Variants in LRRD1 observed in about 807,000 individuals in gnomAD.
LRRD1 encodes leucine rich repeats and death domain containing 1, also known as leucine-rich repeat and death domain-containing protein 1.
Under a neutral mutation model 69.5 loss-of-function variants are expected in LRRD1, and 49 were observed. The observed-to-expected ratio is 0.70, with a 90% CI of 0.56 to 0.89. The LOEUF (loss-of-function observed/expected upper bound fraction) is 0.89, where lower values mean the gene tolerates loss of function less well. LRRD1 is among the 40% of genes least tolerant of loss of function. The pLI is 0.00. For synonymous variants in LRRD1, 303 were observed against 338.9 expected (o/e 0.89, Z 1.16); for missense variants, 853 against 956.0 (o/e 0.89, Z 1.42).
At position 92,164,150 on chromosome 7, in the gene LRRD1, T is replaced by C. The variant is rs180706754; in HGVS notation, c.1053A>G (p.Ile351Met). ...LAVEIFQLLK[I>M]KELQLADNKL... is the part of the protein sequence containing the mutation. ...TATTGTCGGCCAGTTGGAGTTCTTT[T>C]ATTTTGAGTAACTGAAAAATTTCTA... is the stretch of plus-strand genomic sequence containing the variant. Residue 351 changes from isoleucine to methionine, a missense_variant, in exon 2 of 6, where the codon ATA becomes ATG. Physicochemically the swap from Ile to Met is conservative, Grantham distance 10 (BLOSUM62 1). This residue lies in a region of LRRD1 where 739 missense variants were observed against 808.0 expected (regional missense o/e 0.91). Transcript: ENST00000458448. 626 of 1,548,556 alleles carry C rather than the reference T, an allele frequency of 4.0e-4. No individual in the cohort carries two copies. The highest frequency in any genetic ancestry group is 7.9e-4 in the Admixed American group (40 of 50,318).
intron 1 of LRRD1, among the ~76,000 whole-genome samples, chr7:92,172,952 A>C (rs1010073556): frequency 1.3e-5 from 2 of 152,150 alleles, no homozygotes; most frequent in Non-Finnish European, 2.9e-5. Flanking sequence ...TTATACCCCA[A>C]AGTTATAGTA....
chr7:92,159,329 T>C lies in LRRD1; in HGVS notation c.1918-126A>G, dbSNP rs1285482751. On this transcript the variant is annotated intron_variant, in intron 2 of 5. Coordinates refer to ENST00000458448, the MANE Select transcript of LRRD1 (RefSeq NM_001161528.2). ...TTTTTGTCTTAAAAAGGAGATTTTT[T>C]ATTATGTCACAAATTCTTTGTGACT... 5 of 653,900 alleles carry C rather than the reference T, an allele frequency of 7.6e-6. No homozygotes were observed. The East Asian group carries it at 1.3e-4, about 17-fold the overall frequency. The allele number at this position is 653,900 out of a possible 1,614,324, so 40.5% of individuals were successfully genotyped here.
At chr7:92,147,722 T>G (rs1820362832) in intron 4 of LRRD1, among the ~76,000 whole-genome samples, 1 of 152,076 alleles carries the variant, frequency 6.6e-6, no homozygotes, top group South Asian at 2.1e-4. Context: ...TTGACAAAGG[T>G]ACTGTGAGTT....
At position 92,146,355 on chromosome 7, in the gene LRRD1, C is replaced by T. The variant is rs554432443; in HGVS notation, c.2279-155G>A. Among the ~76,000 whole-genome samples the T allele has an allele frequency of 5.3e-4, 81 of 152,164 alleles. 1 individual carries two copies. In the East Asian group the frequency reaches 0.015, roughly 29 times the overall value. On this transcript the variant is annotated intron_variant, in intron 4 of 5. Coordinates refer to ENST00000458448, the MANE Select transcript of LRRD1 (RefSeq NM_001161528.2). ...AATGCTGGCCGGGCACAGTGGCTCA[C>T]GCCTGTAATCCCAGCACTTTGGGAG...
chr7:92,147,084 G>C (rs997727652), intron 4 of LRRD1, among the ~76,000 whole-genome samples: 4 of 137,294 alleles, frequency 2.9e-5, no homozygotes, highest in African/African-American at 8.4e-5. Flanking sequence ...TTTTTTTTGA[G>C]ACAGAGTTTC....
intron 3 of LRRD1, among the ~76,000 whole-genome samples, chr7:92,157,029 CTTTTT>C (rs34543093): frequency 2.7e-5 from 3 of 111,806 alleles, no homozygotes; most frequent in Non-Finnish European, 5.4e-5. Flanking sequence ...ATGATATTTG[CTTTTT>C]TTTTTTTTTT....
At position 92,168,931 on chromosome 7, in the gene LRRD1, G is replaced by GT. The variant is rs560411718; in HGVS notation, c.-74-3656dup. 2.1e-3 allele frequency among the ~76,000 whole-genome samples: 326 copies of GT among 152,096 alleles called. 1 individual carries two copies. The highest frequency in any genetic ancestry group is 3.1e-3 in the Non-Finnish European group (208 of 67,968). On this transcript the variant is annotated intron_variant, in intron 1 of 5. Coordinates refer to ENST00000458448, the MANE Select transcript of LRRD1 (RefSeq NM_001161528.2). ...TAAAATGACAGGTCTGTTTTGTTTT[G>GT]TTTTTTTGAGACAGTCTTGCTTTAT...
At chr7:92,177,681 T>C (rs1789227669) in intron 1 of LRRD1, among the ~76,000 whole-genome samples, 1 of 152,150 alleles carries the variant, frequency 6.6e-6, no homozygotes, top group Non-Finnish European at 1.5e-5. Flanking sequence ...GAGGCCAAGG[T>C]TGTGTGTGAT....
In LRRD1 at chr7:92,163,283, T is replaced by A; in HGVS notation, c.1917+3A>T. 16 of 1,448,714 alleles carry A rather than the reference T, an allele frequency of 1.1e-5. No individual in the cohort carries two copies. The highest frequency in any genetic ancestry group is 1.5e-5 in the Non-Finnish European group (16 of 1,100,386). 89.7% of individuals were successfully genotyped at this position (1,448,714 alleles called of 1,614,324 possible). A position where few individuals can be genotyped will look rare whatever the true frequency, so the allele number is the denominator to read the frequency against. On this transcript the variant is annotated splice_donor_region_variant and intron_variant, in intron 2 of 5. Transcript: ENST00000458448. Reference sequence around the variant, plus strand: ...CACAAAGCCCACAATACCAGTCTCTTACCTTTCTCCCTTTTATCTGACTTA... The same window carrying A: ...CACAAAGCCCACAATACCAGTCTCTAACCTTTCTCCCTTTTATCTGACTTA...
rs1290679388 is a variant in LRRD1 at position 92,163,799 on chromosome 7, T to A, written c.1404A>T (p.Lys468Asn). Residue 468 changes from lysine to asparagine, a missense_variant, in exon 2 of 6, where the codon AAA becomes AAT. This residue lies in a region of LRRD1 where 739 missense variants were observed against 808.0 expected (regional missense o/e 0.91). Coordinates refer to ENST00000458448, the MANE Select transcript of LRRD1 (RefSeq NM_001161528.2). ...IEIKNCQKII[K>N]IELSYNKIMY... is the part of the protein sequence containing the mutation. ...TTATTTTGTTATAACTCAATTCAAT[T>A]TTAATTATTTTTTGGCAGTTTTTTA... The A allele has an allele frequency of 7.3e-6, 11 of 1,500,234 alleles. No homozygotes were observed. The highest frequency in any genetic ancestry group is 9.7e-6 in the Non-Finnish European group (11 of 1,129,282). The allele number at this position is 1,500,234 out of a possible 1,614,324, so 92.9% of individuals were successfully genotyped here.
chr7:92,163,215 A>C lies in LRRD1; in HGVS notation c.1917+71T>G, dbSNP rs1272901140. The C allele has an allele frequency of 4.9e-6, 5 of 1,024,188 alleles. No individual in the cohort carries two copies. In the African/African-American group the frequency reaches 8.2e-5, roughly 17 times the overall value. 63.4% of individuals were successfully genotyped at this position (1,024,188 alleles called of 1,614,324 possible). On this transcript the variant is annotated intron_variant, in intron 2 of 5. Transcript: ENST00000458448. Reference sequence around the variant, plus strand: ...AAACACACATACGGTACCCACAGATACACCACAGCTTGGATTCTGATCCTC... The same window carrying C: ...AAACACACATACGGTACCCACAGATCCACCACAGCTTGGATTCTGATCCTC...
At position 92,145,036 on chromosome 7, in the gene LRRD1, A is replaced by G; in HGVS notation, c.2435T>C (p.Val812Ala). ...CTTGTTACTTTGTGTTTTCCATATA[A>G]CAAGTGCTTGGTGGGCTCTCTCACT... ...SLSERAHQALVIWKTQSNKLS... is the reference protein window; with the variant it reads ...SLSERAHQALAIWKTQSNKLS... The change falls in exon 6 of 6, where the codon GTT (valine) becomes GCT (alanine). Residue 812 changes from valine to alanine, a missense_variant. This residue lies in a region of LRRD1 where 739 missense variants were observed against 808.0 expected (regional missense o/e 0.91). Coordinates refer to ENST00000458448, the MANE Select transcript of LRRD1 (RefSeq NM_001161528.2). The G allele has an allele frequency of 2.0e-6, 3 of 1,520,570 alleles. No individual in the cohort carries two copies. Among genetic ancestry groups the G allele is most frequent in the Non-Finnish European group, 2.7e-6 (3 of 1,128,816 alleles). 94.2% of individuals were successfully genotyped at this position (1,520,570 alleles called of 1,614,324 possible).
chr7:92,144,487 C>G (rs1325542502), downstream of LRRD1, among the ~76,000 whole-genome samples: 3 of 151,750 alleles, frequency 2.0e-5, no homozygotes, highest in Non-Finnish European at 4.4e-5. Flanking sequence ...ATTATCCCGG[C>G]GTGGTGGTGG....
chr7:92,157,481 C>T (rs2130997343), intron 3 of LRRD1, among the ~76,000 whole-genome samples: 1 of 152,210 alleles, frequency 6.6e-6, no homozygotes, highest in Admixed American at 6.6e-5. Flanking sequence ...TCAGAATGAA[C>T]TGAGACATGT....
At chr7:92,150,401 G>T in intron 4 of LRRD1, 133 bp downstream of exon 4, 1 of 691,632 alleles carries the variant, frequency 1.4e-6, no homozygotes, top group African/African-American at 1.8e-5. Flanking sequence ...GGAGTCCGAG[G>T]CTGCAGTGAG....
At chr7:92,168,987 T>C (rs1788988383) in intron 1 of LRRD1, among the ~76,000 whole-genome samples, 1 of 152,154 alleles carries the variant, frequency 6.6e-6, no homozygotes, top group South Asian at 2.1e-4. Flanking sequence ...GGTGCTATCC[T>C]GGCTCACTGC....
chr7:92,168,136 A>C (rs1205578545), intron 1 of LRRD1, among the ~76,000 whole-genome samples: 4 of 152,114 alleles, frequency 2.6e-5, no homozygotes, highest in Admixed American at 2.6e-4. Flanking sequence ...AGGTGAAAAA[A>C]TTCTAAGCAG....
Position 92,159,029 on chromosome 7 carries a change from C to A in LRRD1, c.2092G>T (p.Asp698Tyr). The part of the protein sequence containing the change: ...YLPPSLLSLN[D>Y]LQQLNLSGNN... ...CCACTCAGGTTTAGTTGCTGCAGAT[C>A]ATTTAAAGATAGCAAAGATGGTGGA... Residue 698 changes from aspartate to tyrosine, a missense_variant, in exon 3 of 6, where the codon GAT becomes TAT. Asp to Tyr is a radical substitution (Grantham distance 160). Coordinates refer to ENST00000458448, the MANE Select transcript of LRRD1 (RefSeq NM_001161528.2). 1.3e-6 allele frequency: 2 copies of A among 1,545,650 alleles called. No individual in the cohort carries two copies. Among genetic ancestry groups the A allele is most frequent in the South Asian group, 2.4e-5 (2 of 82,514 alleles).
chr7:92,144,457 T>A (rs1820260945), downstream of LRRD1, among the ~76,000 whole-genome samples: 1 of 151,656 alleles, frequency 6.6e-6, no homozygotes, highest in Non-Finnish European at 1.5e-5. Context: ...TGAAACCCCG[T>A]CTCTACTAAA....
Sources: allele counts gnomAD v4.1 joint callset (sites outside exome capture counted in the v4.1 genomes callset), GRCh38; gene constraint gnomAD v4.1.1; regional missense constraint gnomAD v4.1.1; transcripts MANE v1.5; gene names NCBI Gene and HGNC (gene_info 2026-07-23, HGNC 2026-07-21).